The following ZNF608 variants were observed in gnomAD, a reference collection of about 807,000 sequenced individuals.
The protein encoded by ZNF608 is renal carcinoma antigen NY-REN-36.
In ZNF608, 12 loss-of-function variants were observed where a neutral mutation model predicts 109.0. That is an observed-to-expected ratio of 0.11 (90% confidence interval 0.07 to 0.18). The LOEUF is 0.18. ZNF608 is among the 10% of genes least tolerant of loss of function. The pLI, the probability that ZNF608 is intolerant of heterozygous loss-of-function variation, is 1.00. For missense variants in ZNF608, 1,707 were observed against 1,879.3 expected (o/e 0.91, Z 1.70); for synonymous variants, 732 against 717.4 (o/e 1.02, Z -0.33).
rs1398836572 is a variant in ZNF608 at position 124,643,536 on chromosome 5, T to C, written c.4271A>G (p.Asn1424Ser). ...KALDLLQQHA[N>S]QYRSKSPAPV... ...AGCAGGAGACTTGCTGCGGTATTGG[T>C]TAGCATGCTGCTGGAGCAAATCCAG... The change falls in exon 7 of 10, where the codon AAC becomes AGC. Residue 1424 changes from asparagine (N) to serine (S), a missense_variant. Physicochemically the swap from Asn to Ser is conservative, Grantham distance 46 (BLOSUM62 1). Coordinates refer to ENST00000513986, the MANE Select transcript of ZNF608 (RefSeq NM_020747.3). The C allele has an allele frequency of 1.2e-6, 2 of 1,614,216 alleles. No individual in the cohort carries two copies. Among genetic ancestry groups the C allele is most frequent in the South Asian group, 2.2e-5 (2 of 91,086 alleles).
intron 2 of ZNF608, among the ~76,000 whole-genome samples, chr5:124,703,561 T>A (rs1276573268): frequency 2.0e-5 from 3 of 151,822 alleles, no homozygotes; most frequent in Admixed American, 2.0e-4. Flanking sequence ...AGGCTGGGAG[T>A]TGGAGACCAG....
At chr5:124,664,975 A>G (rs1403738887) in intron 3 of ZNF608, among the ~76,000 whole-genome samples, 3 of 152,086 alleles carry the variant, frequency 2.0e-5, no homozygotes, top group Non-Finnish European at 4.4e-5. Context: ...GGAGTTTGAG[A>G]CCAGCCTGGT....
At chr5:124,679,308 T>G (rs888638162) in intron 3 of ZNF608, among the ~76,000 whole-genome samples, 6 of 152,164 alleles carry the variant, frequency 3.9e-5, no homozygotes, top group Non-Finnish European at 7.4e-5. Flanking sequence ...AAGATTGTTT[T>G]CAGTCAGGTT....
intron 7 of ZNF608, among the ~76,000 whole-genome samples, chr5:124,643,034 C>T (rs1750320014): frequency 6.6e-6 from 1 of 152,072 alleles, no homozygotes; most frequent in South Asian, 2.1e-4. Flanking sequence ...GTGATCTGAA[C>T]TTGCATGTAA....
At chr5:124,640,671 A>G (rs947966137) in intron 8 of ZNF608, among the ~76,000 whole-genome samples, 4 of 152,260 alleles carry the variant, frequency 2.6e-5, no homozygotes, top group African/African-American at 9.6e-5. Flanking sequence ...ATACATGCTC[A>G]ACTAATGAAC....
intron 3 of ZNF608, among the ~76,000 whole-genome samples, chr5:124,691,884 G>T (rs1481937526): frequency 6.6e-6 from 1 of 151,932 alleles, no homozygotes; most frequent in Admixed American, 6.6e-5. Context: ...CTAGAGATCT[G>T]CAGTACAACA....
intron 2 of ZNF608, 69 bp from the exon 3 acceptor site, chr5:124,701,338 T>C: frequency 6.4e-7 from 1 of 1,567,786 alleles, no homozygotes. Context: ...AATTTGCTTA[T>C]ATCACTTCTA....
At chr5:124,729,958 G>C (rs1390052619) in intron 2 of ZNF608, among the ~76,000 whole-genome samples, 1 of 152,108 alleles carries the variant, frequency 6.6e-6, no homozygotes, top group African/African-American at 2.4e-5. Flanking sequence ...GCACATTCAG[G>C]CTCAAATAAC....
rs1201838301 is a variant in ZNF608, at chr5:124,648,253, A to T, written c.2131T>A (p.Leu711Ile). The T allele has an allele frequency of 1.2e-6, 2 of 1,614,030 alleles. No individual in the cohort carries two copies. Among genetic ancestry groups the T allele is most frequent in the South Asian group, 2.2e-5 (2 of 91,062 alleles). The change falls in exon 5 of 10, where the codon TTA (leucine) becomes ATA (isoleucine). Residue 711 changes from leucine (L) to isoleucine (I), a missense_variant. By Grantham distance (5) the Leu-to-Ile change is conservative (BLOSUM62 2). This residue lies in a region of ZNF608 where 1,073 missense variants were observed against 1,133.5 expected (regional missense o/e 0.95). Coordinates refer to ENST00000513986, the MANE Select transcript of ZNF608 (RefSeq NM_020747.3). ...EAEGLIDKKN[L>I]GDKEKGKKAT... ...TTTTTGCCCTTTTCTTTATCTCCTA[A>T]ATTTTTCTTGTCAATTAATCCTTCT...
upstream of ZNF608, chr5:124,748,551 T>C (rs941679877): frequency 7.1e-6 from 7 of 985,408 alleles, no homozygotes; most frequent in Non-Finnish European, 8.4e-6. Flanking sequence ...TTGGATCGAG[T>C]TGACCTTTTC....
At chr5:124,666,102 G>C (rs115335108) in intron 3 of ZNF608, among the ~76,000 whole-genome samples, 2,407 of 152,328 alleles carry the variant, frequency 0.016, 72 homozygotes, top group African/African-American at 0.054. Context: ...TGAAATGACA[G>C]CCTTCTTTGC....
intron 8 of ZNF608, among the ~76,000 whole-genome samples, 178 bp from the exon 9 acceptor site, chr5:124,639,392 C>A (rs1381966951): frequency 6.6e-6 from 1 of 152,210 alleles, no homozygotes; most frequent in Non-Finnish European, 1.5e-5. Context: ...TGCTATCTAT[C>A]CTTTCTTGAA....
chr5:124,746,846 GA>G, upstream of ZNF608: 3 of 926,268 alleles, frequency 3.2e-6, no homozygotes, highest in Non-Finnish European at 3.9e-6. Flanking sequence ...GGTGGGATGA[GA>G]AACTGGGCAA....
intron 3 of ZNF608, among the ~76,000 whole-genome samples, chr5:124,670,659 A>C (rs1246348973): frequency 6.6e-6 from 1 of 152,164 alleles, no homozygotes; most frequent in African/African-American, 2.4e-5. Context: ...TAAGTTTATC[A>C]AAGGCCCTTT....
At chr5:124,729,584 C>A (rs1288925538) in intron 2 of ZNF608, among the ~76,000 whole-genome samples, 1 of 152,176 alleles carries the variant, frequency 6.6e-6, no homozygotes, top group Non-Finnish European at 1.5e-5. Flanking sequence ...ACAACAAATT[C>A]TTTAAGCTGT....
intron 2 of ZNF608, chr5:124,735,176 A>G (rs550804711): frequency 6.6e-6 from 1 of 152,386 alleles, no homozygotes; most frequent in Admixed American, 6.5e-5. Flanking sequence ...GTAAAACAGC[A>G]GTCATAATGT....
At chr5:124,745,987 GCTA>G (rs1561601044) in intron 1 of ZNF608, 3 of 217,312 alleles carry the variant, frequency 1.4e-5, no homozygotes, top group Non-Finnish European at 2.3e-5. Context: ...TAAATACGGT[GCTA>G]CTGACTGTAC....
chr5:124,724,390 T>C lies in ZNF608; in HGVS notation c.906+19694A>G, dbSNP rs139241859. 1.3e-3 allele frequency among the ~76,000 whole-genome samples: 199 copies of C among 150,500 alleles called. 2 individuals carry two copies. Among genetic ancestry groups the C allele is most frequent in the African/African-American group, 4.7e-3 (191 of 40,758 alleles). ...CCAATTTCTGACCTCTTTTTTTAATTTAAAAAAAATAGTCAAAAAGTAATA... is the reference window on the plus strand; with the variant it reads ...CCAATTTCTGACCTCTTTTTTTAATCTAAAAAAAATAGTCAAAAAGTAATA... On this transcript the variant is annotated intron_variant, in intron 2 of 9. Coordinates refer to ENST00000513986, the MANE Select transcript of ZNF608 (RefSeq NM_020747.3).
chr5:124,660,538 G>T (rs1223430833), intron 3 of ZNF608, among the ~76,000 whole-genome samples: 1 of 152,114 alleles, frequency 6.6e-6, no homozygotes, highest in African/African-American at 2.4e-5. Flanking sequence ...AAGGAAGAAA[G>T]AATAAACAGT....
Sources: gnomAD v4.1 joint callset for allele counts (sites outside exome capture counted in the v4.1 genomes callset) on GRCh38, gnomAD v4.1.1 for gene constraint, gnomAD v4.1.1 regional missense constraint, MANE v1.5 for transcripts, NCBI Gene and HGNC (gene_info 2026-07-23, HGNC 2026-07-21) for gene names.